The following GABRG1 variants were observed in gnomAD, a reference collection of about 807,000 sequenced individuals.
The protein encoded by GABRG1 is gamma-aminobutyric acid receptor subunit gamma-1.
A neutral mutation model predicts 49.8 loss-of-function variants in GABRG1; 49 were observed. That is an observed-to-expected ratio of 0.98 (90% confidence interval 0.78 to 1.25). The LOEUF (loss-of-function observed/expected upper bound fraction) is 1.25, where lower values mean the gene tolerates loss of function less well. Ranked by LOEUF, GABRG1 falls within the 50% of genes most tolerant of loss-of-function variation. The pLI is 0.00. For missense variants in GABRG1, 552 were observed against 552.3 expected (o/e 1.00, Z 0.01); for synonymous variants, 232 against 185.1 (o/e 1.25, Z -2.06).
Position 46,066,190 on chromosome 4 carries a change from T to A in GABRG1, c.322-606A>T, listed in dbSNP as rs550970687. ...TAAACTTAAAAGCAAGTTATCTTAA[T>A]GTCAACAATTATATTAATTTATACA... On this transcript the variant is annotated intron_variant, in intron 3 of 8. Transcript: ENST00000295452. Among the ~76,000 whole-genome samples the A allele has an allele frequency of 7.2e-5, 11 of 152,270 alleles. No individual in the cohort carries two copies. In the East Asian group the frequency reaches 2.1e-3, roughly 29 times the overall value.
intron 8 of GABRG1, among the ~76,000 whole-genome samples, chr4:46,050,593 AT>A: frequency 6.6e-6 from 1 of 151,938 alleles, no homozygotes; most frequent in Non-Finnish European, 1.5e-5. Context: ...TTTCTTGTTA[AT>A]TTTAGAAAAA....
intron 3 of GABRG1, among the ~76,000 whole-genome samples, chr4:46,074,851 G>A (rs1294383836): frequency 1.3e-5 from 2 of 152,012 alleles, no homozygotes; most frequent in African/African-American, 4.8e-5. Flanking sequence ...TCCAAAGTAT[G>A]CATTACAGTA....
rs1718552333 is a variant in GABRG1, at chr4:46,058,678, C to T, written c.626-56G>A. The T allele has an allele frequency of 9.1e-6, 12 of 1,321,614 alleles. No individual in the cohort carries two copies. In the South Asian group the frequency reaches 1.4e-4, roughly 15 times the overall value. The allele number at this position is 1,321,614 out of a possible 1,614,324, so 81.9% of individuals were successfully genotyped here. A position where few individuals can be genotyped will look rare whatever the true frequency, so the allele number is the denominator to read the frequency against. ...ATCCAAATTTGATACCATTGCAATG[C>T]CAACATTATCCAAAGGTAGATTCTT... On this transcript the variant is annotated intron_variant, in intron 5 of 8. Transcript: ENST00000295452.
chr4:46,047,668 G>A (rs71611959), intron 8 of GABRG1, among the ~76,000 whole-genome samples: 8,299 of 151,626 alleles, frequency 0.055, 378 homozygotes, highest in African/African-American at 0.11. Flanking sequence ...TAAAAATATT[G>A]TTATTTAAAA....
chr4:46,119,443 AC>A (rs1306617434), intron 1 of GABRG1, among the ~76,000 whole-genome samples: 1 of 151,532 alleles, frequency 6.6e-6, no homozygotes, highest in Non-Finnish European at 1.5e-5. Flanking sequence ...CAGCAAGATG[AC>A]CTTTAATAAG....
At chr4:46,096,450 CT>C (rs1044673527) in intron 2 of GABRG1, among the ~76,000 whole-genome samples, 10 of 151,308 alleles carry the variant, frequency 6.6e-5, no homozygotes, top group African/African-American at 2.4e-4. Flanking sequence ...AAGAAATTCA[CT>C]GCCCATATAG....
chr4:46,061,164 A>G (rs1415824502), intron 5 of GABRG1, among the ~76,000 whole-genome samples: 2 of 152,148 alleles, frequency 1.3e-5, no homozygotes, highest in African/African-American at 4.8e-5. Flanking sequence ...TACATCAATT[A>G]TTGCATATGA....
At chr4:46,086,477 T>C (rs977011682) in intron 2 of GABRG1, among the ~76,000 whole-genome samples, 1 of 151,542 alleles carries the variant, frequency 6.6e-6, no homozygotes, top group Non-Finnish European at 1.5e-5. Flanking sequence ...CTAAGATATC[T>C]TTAGCAGATT....
At chr4:46,109,574 T>G (rs1260934578) in intron 1 of GABRG1, among the ~76,000 whole-genome samples, 1 of 151,148 alleles carries the variant, frequency 6.6e-6, no homozygotes, top group African/African-American at 2.4e-5. Context: ...TAGTTTGTTC[T>G]TATTTTTCTA....
In GABRG1 at chr4:46,051,450, C is replaced by A. The variant is rs1718215039; in HGVS notation, c.1105G>T (p.Asp369Tyr). 2 of 1,608,924 alleles carry A rather than the reference C, an allele frequency of 1.2e-6. No homozygotes were observed. Among genetic ancestry groups the A allele is most frequent in the Admixed American group, 3.4e-5 (2 of 59,510 alleles). The change falls in exon 8 of 9, where the codon GAC becomes TAC. Residue 369 changes from aspartate to tyrosine, a missense_variant. Physicochemically the swap from Asp to Tyr is radical, Grantham distance 160 (BLOSUM62 -3). Transcript: ENST00000295452. ...GAGGCTTTATTTTTTAGCTTTCTGT[C>A]TTTAGTAGCAGTCTTTCCTTTTTGG... Reference protein sequence around the residue: ...SNQKGKTATKDRKLKNKASMT... With the variant: ...SNQKGKTATKYRKLKNKASMT...
chr4:46,068,271 G>A (rs188301564), intron 3 of GABRG1, among the ~76,000 whole-genome samples: 182 of 152,188 alleles, frequency 1.2e-3, no homozygotes, highest in Admixed American at 3.1e-3. Context: ...TAAGGATTGC[G>A]GCTAGGCAAA....
rs1717525216 is a variant in GABRG1 at position 46,036,366 on chromosome 4, T to C, written c.*4622A>G. ...AAATGGTTATTTGAATAGAAAACTC[T>C]TTTAGTGAGGAACATTTTTCAAAAA... On this transcript the variant is annotated 3_prime_UTR_variant, in exon 9 of 9. Transcript: ENST00000295452. 1 of 151,878 alleles carries C rather than the reference T, an allele frequency of 6.6e-6. No individual in the cohort carries two copies. 9.4% of individuals were successfully genotyped at this position (151,878 alleles called of 1,614,324 possible). A position where few individuals can be genotyped will look rare whatever the true frequency, so the allele number is the denominator to read the frequency against.
chr4:46,058,400 T>A (rs753877038), intron 6 of GABRG1, 31 bp from the exon 7 acceptor site: 1 of 1,599,228 alleles, frequency 6.3e-7, no homozygotes, highest in South Asian at 1.1e-5. Context: ...ATTTTGGCTA[T>A]ATAATATAAA....
At chr4:46,092,963 G>A (rs1720040340) in intron 2 of GABRG1, among the ~76,000 whole-genome samples, 1 of 151,354 alleles carries the variant, frequency 6.6e-6, no homozygotes, top group Admixed American at 6.6e-5. Context: ...CAGCTACTCA[G>A]GAGGCTGAGA....
At chr4:46,086,847 T>A (rs1336686622) in intron 2 of GABRG1, among the ~76,000 whole-genome samples, 1 of 151,706 alleles carries the variant, frequency 6.6e-6, no homozygotes, top group Admixed American at 6.6e-5. Context: ...TTTATCAACC[T>A]ACTCAAATTT....
intron 1 of GABRG1, among the ~76,000 whole-genome samples, chr4:46,107,124 C>A (rs1720575140): frequency 6.6e-6 from 1 of 150,948 alleles, no homozygotes; most frequent in Non-Finnish European, 1.5e-5. Context: ...CTACAGTTAC[C>A]CTATTGTGCT....
intron 5 of GABRG1, among the ~76,000 whole-genome samples, chr4:46,059,090 G>GA (rs1718567246): frequency 6.6e-6 from 1 of 151,954 alleles, no homozygotes. Context: ...CCTTGTCTAA[G>GA]AATGTATTTT....
chr4:46,114,993 T>C (rs1448882096), intron 1 of GABRG1, among the ~76,000 whole-genome samples: 1 of 150,886 alleles, frequency 6.6e-6, no homozygotes, highest in African/African-American at 2.4e-5. Context: ...AAAGTAAATA[T>C]TTTGCCTATA....
At chr4:46,042,714 A>G (rs1290427482) in intron 8 of GABRG1, among the ~76,000 whole-genome samples, 1 of 152,002 alleles carries the variant, frequency 6.6e-6, no homozygotes, top group Non-Finnish European at 1.5e-5. Flanking sequence ...ATTCCAAGTC[A>G]CCAAATATTA....
Sources: allele counts gnomAD v4.1 joint callset (sites outside exome capture counted in the v4.1 genomes callset), GRCh38; gene constraint gnomAD v4.1.1; transcripts MANE v1.5; gene names NCBI Gene and HGNC (gene_info 2026-07-23, HGNC 2026-07-21).